The following ARHGAP15 variants were observed in gnomAD, a reference collection of about 807,000 sequenced individuals.
ARHGAP15 encodes Rho GTPase activating protein 15, also known as rho GTPase-activating protein 15.
Under a neutral mutation model 63.7 loss-of-function variants are expected in ARHGAP15, and 51 were observed. That is an observed-to-expected ratio of 0.80 (90% confidence interval 0.64 to 1.01). The LOEUF (loss-of-function observed/expected upper bound fraction) is 1.01. Among genes scored for constraint, ARHGAP15 ranks in the 50% least tolerant of loss-of-function variants. The pLI, the probability that ARHGAP15 is intolerant of heterozygous loss-of-function variation, is 0.00. For missense variants in ARHGAP15, 560 were observed against 564.6 expected, an observed-to-expected ratio of 0.99 and a Z score of 0.08; for synonymous variants, 191 against 193.8, an observed-to-expected ratio of 0.99 and a Z score of 0.12.
chr2:143,468,663 A>AGAGTGTGTGT (rs764115175), intron 8 of ARHGAP15, among the ~76,000 whole-genome samples: 1 of 136,238 alleles, frequency 7.3e-6, no homozygotes, highest in Non-Finnish European at 1.6e-5. Flanking sequence ...AGAGAGAGAG[A>AGAGTGTGTGT]GTGTGTGTGT....
chr2:143,147,500 C>A (rs1449879501), intron 1 of ARHGAP15, among the ~76,000 whole-genome samples: 1 of 151,986 alleles, frequency 6.6e-6, no homozygotes, highest in Non-Finnish European at 1.5e-5. Flanking sequence ...ATTTCTTATG[C>A]TCCCTAAATG....
intron 6 of ARHGAP15, among the ~76,000 whole-genome samples, chr2:143,265,401 G>A (rs1680939953): frequency 1.3e-5 from 2 of 151,866 alleles, no homozygotes; most frequent in African/African-American, 4.8e-5. Flanking sequence ...AGAGCTTCTG[G>A]GGGAAAGAAA....
At chr2:143,413,235 C>G (rs1688521425) in intron 6 of ARHGAP15, among the ~76,000 whole-genome samples, 1 of 152,010 alleles carries the variant, frequency 6.6e-6, no homozygotes. Context: ...TTTGCAGGCC[C>G]TTTAGGTTAG....
chr2:143,282,731 G>T (rs998634226), intron 6 of ARHGAP15, among the ~76,000 whole-genome samples: 2 of 152,040 alleles, frequency 1.3e-5, no homozygotes, highest in Admixed American at 1.3e-4. Flanking sequence ...TAACTTGCCG[G>T]ATTTCACACA....
At chr2:143,509,132 C>T (rs1693458109) in intron 9 of ARHGAP15, among the ~76,000 whole-genome samples, 1 of 152,154 alleles carries the variant, frequency 6.6e-6, no homozygotes, top group Non-Finnish European at 1.5e-5. Context: ...TTCCCCCAGG[C>T]TAGTCTCTCC....
chr2:143,204,634 G>T (rs1692254695), intron 3 of ARHGAP15, among the ~76,000 whole-genome samples: 1 of 151,998 alleles, frequency 6.6e-6, no homozygotes. Flanking sequence ...ATCACTCCTT[G>T]ACTCAAAATC....
At chr2:143,284,923 T>C (rs540852371) in intron 6 of ARHGAP15, among the ~76,000 whole-genome samples, 45 of 152,320 alleles carry the variant, frequency 3.0e-4, no homozygotes, top group African/African-American at 1.1e-3. Flanking sequence ...CTTACTTTGT[T>C]CTGTTTTTTT....
chr2:143,598,492 G>C (rs939644212), intron 11 of ARHGAP15, among the ~76,000 whole-genome samples: 1 of 152,206 alleles, frequency 6.6e-6, no homozygotes, highest in African/African-American at 2.4e-5. Context: ...TAAAGGGAAA[G>C]AGGTGAGTAG....
At chr2:143,630,885 G>A (rs1015975323) in intron 12 of ARHGAP15, among the ~76,000 whole-genome samples, 2 of 151,966 alleles carry the variant, frequency 1.3e-5, no homozygotes, top group African/African-American at 4.8e-5. Context: ...ACTTTGATAA[G>A]TTTTGACAAA....
At chr2:143,601,642 A>T (rs1419642083) in intron 11 of ARHGAP15, 3 of 152,134 alleles carry the variant, frequency 2.0e-5, no homozygotes, top group African/African-American at 7.2e-5. Flanking sequence ...CTGGTGCTTC[A>T]AATTTTGTAT....
chr2:143,327,806 T>A (rs1684324519), intron 6 of ARHGAP15, among the ~76,000 whole-genome samples: 1 of 151,884 alleles, frequency 6.6e-6, no homozygotes, highest in Non-Finnish European at 1.5e-5. Context: ...ATCGTCAGAG[T>A]GAAGAGGCAA....
chr2:143,420,661 T>A (rs1448086365), intron 6 of ARHGAP15, among the ~76,000 whole-genome samples: 1 of 152,162 alleles, frequency 6.6e-6, no homozygotes, highest in Non-Finnish European at 1.5e-5. Flanking sequence ...TCCTGGGCCC[T>A]TCGATGACCC....
At chr2:143,587,526 A>G (rs1288859925) in intron 11 of ARHGAP15, among the ~76,000 whole-genome samples, 1 of 152,146 alleles carries the variant, frequency 6.6e-6, no homozygotes, top group Admixed American at 6.6e-5. Flanking sequence ...TTTCGGTCTT[A>G]CTTCAAACAT....
chr2:143,255,202 T>C (rs953050402), intron 6 of ARHGAP15, among the ~76,000 whole-genome samples: 1 of 152,078 alleles, frequency 6.6e-6, no homozygotes, highest in Non-Finnish European at 1.5e-5. Flanking sequence ...AATATGTCAA[T>C]TACCTGTTTG....
At chr2:143,570,290 C>G (rs148253109) in intron 11 of ARHGAP15, among the ~76,000 whole-genome samples, 1 of 152,156 alleles carries the variant, frequency 6.6e-6, no homozygotes, top group Non-Finnish European at 1.5e-5. Flanking sequence ...GAACCTCCCC[C>G]CAAACCACAA....
intron 6 of ARHGAP15, among the ~76,000 whole-genome samples, chr2:143,325,953 T>G (rs141686286): frequency 0.012 from 1,895 of 152,268 alleles, 26 homozygotes; most frequent in African/African-American, 0.034. Context: ...CACACTGATC[T>G]TCATGGTCCC....
At chr2:143,503,541 G>A (rs1429040751) in intron 9 of ARHGAP15, among the ~76,000 whole-genome samples, 1 of 152,200 alleles carries the variant, frequency 6.6e-6, no homozygotes, top group African/African-American at 2.4e-5. Context: ...TAAAAAGCAA[G>A]TAGCGTAGCA....
chr2:143,367,683 AT>A (rs1196609558), intron 6 of ARHGAP15, among the ~76,000 whole-genome samples: 2 of 151,670 alleles, frequency 1.3e-5, no homozygotes, highest in Non-Finnish European at 2.9e-5. Context: ...TTGGTGTATT[AT>A]TTTTGTTGTT....
intron 9 of ARHGAP15, among the ~76,000 whole-genome samples, chr2:143,509,325 C>G (rs1278890189): frequency 1.4e-5 from 2 of 142,060 alleles, no homozygotes; most frequent in African/African-American, 5.1e-5. Flanking sequence ...TTGTACTTGC[C>G]TCTTATGAAA....
Sources: allele counts gnomAD v4.1 joint callset (sites outside exome capture counted in the v4.1 genomes callset), GRCh38; gene constraint gnomAD v4.1.1; transcripts MANE v1.5; gene names NCBI Gene and HGNC (gene_info 2026-07-23, HGNC 2026-07-21).